Variants in TFEC observed in about 807,000 individuals in gnomAD.
TFEC encodes the protein transcription factor EC.
In TFEC, 31 loss-of-function variants were observed where a neutral mutation model predicts 41.6. The observed-to-expected ratio is 0.74, with a 90% confidence interval of 0.56 to 1.01. The LOEUF is 1.01. Ranked by LOEUF, TFEC falls within the 50% of genes least tolerant of loss-of-function variation. The probability of loss-of-function intolerance (pLI) is 0.00; values close to 1 mark genes in which losing one functional copy is unlikely to be tolerated. For missense variants in TFEC, 402 were observed against 404.1 expected (o/e 0.99, Z 0.04); for synonymous variants, 143 against 140.6 (o/e 1.02, Z -0.12).
At chr7:115,995,387 G>A (rs1032214121) in intron 1 of TFEC, among the ~76,000 whole-genome samples, 1 of 151,890 alleles carries the variant, frequency 6.6e-6, no homozygotes, top group Non-Finnish European at 1.5e-5. Context: ...GACTATGTAT[G>A]CATATATATA....
chr7:116,050,657 G>A (rs1437767480), intron 3 of TFEC, among the ~76,000 whole-genome samples: 1 of 151,740 alleles, frequency 6.6e-6, no homozygotes, highest in African/African-American at 2.4e-5. Flanking sequence ...ACAGGTGCTG[G>A]AGAGGATGTA....
intron 3 of TFEC, among the ~76,000 whole-genome samples, chr7:116,083,753 T>G (rs1434462650): frequency 2.0e-5 from 3 of 151,922 alleles, no homozygotes; most frequent in Non-Finnish European, 4.4e-5. Context: ...TTCTAAATAT[T>G]AGTGTAAAAG....
chr7:116,032,034 C>T (rs565484711), upstream of TFEC, among the ~76,000 whole-genome samples: 1 of 152,112 alleles, frequency 6.6e-6, no homozygotes, highest in African/African-American at 2.4e-5. Context: ...TTGTATGATA[C>T]AACATGTTTA....
At chr7:116,034,239 T>G (rs1422416692), upstream of TFEC, among the ~76,000 whole-genome samples, 5 of 152,116 alleles carry the variant, frequency 3.3e-5, no homozygotes, top group Non-Finnish European at 7.4e-5. Context: ...GCTATATTCA[T>G]TACCTTGGCT....
At chr7:116,124,455 A>G (rs1798171285) in intron 1 of TFEC, among the ~76,000 whole-genome samples, 1 of 152,164 alleles carries the variant, frequency 6.6e-6, no homozygotes, top group South Asian at 2.1e-4. Context: ...GTTCTATGCA[A>G]TCAAACTTTG....
At chr7:115,956,954 T>A (rs1290889883) in intron 3 of TFEC, among the ~76,000 whole-genome samples, 161 bp from the exon 4 acceptor site, 1 of 151,916 alleles carries the variant, frequency 6.6e-6, no homozygotes, top group African/African-American at 2.4e-5. Flanking sequence ...ATGCATTAAC[T>A]TTTTAAAAGA....
chr7:115,940,954 TTAAA>T, intron 7 of TFEC, 23 bp from the exon 8 acceptor site: 1 of 1,539,580 alleles, frequency 6.5e-7, no homozygotes, highest in Non-Finnish European at 8.8e-7. Context: ...ACGAAAATCA[TTAAA>T]TAATGTCTTT....
chr7:115,951,127 T>C (rs1791918015), intron 5 of TFEC, among the ~76,000 whole-genome samples, 178 bp from the exon 6 acceptor site: 1 of 152,114 alleles, frequency 6.6e-6, no homozygotes, highest in South Asian at 2.1e-4. Flanking sequence ...AAGGTTTCAA[T>C]ATTAGAATTA....
intron 3 of TFEC, among the ~76,000 whole-genome samples, chr7:116,055,356 C>T (rs1055815336): frequency 1.4e-4 from 21 of 152,044 alleles, no homozygotes; most frequent in Non-Finnish European, 2.8e-4. Flanking sequence ...TTTCAAAATG[C>T]TATTACTATT....
intron 1 of TFEC, among the ~76,000 whole-genome samples, chr7:116,121,880 A>G (rs1002338142): frequency 5.3e-5 from 8 of 152,060 alleles, no homozygotes; most frequent in Admixed American, 3.3e-4. Flanking sequence ...TCAAGAATAA[A>G]TCAGTAAAAT....
intron 1 of TFEC, among the ~76,000 whole-genome samples, chr7:116,007,917 C>G (rs958855374): frequency 6.6e-6 from 1 of 152,052 alleles, no homozygotes; most frequent in Non-Finnish European, 1.5e-5. Context: ...GGTAAAAGCC[C>G]TCAGCTAATT....
At chr7:116,051,983 G>A (rs1457235727) in intron 3 of TFEC, among the ~76,000 whole-genome samples, 3 of 151,786 alleles carry the variant, frequency 2.0e-5, no homozygotes, top group Non-Finnish European at 4.4e-5. Flanking sequence ...AAGGTGTAAG[G>A]ATGAAACTCC....
intron 3 of TFEC, among the ~76,000 whole-genome samples, chr7:116,064,898 C>G (rs1008437758): frequency 2.6e-5 from 4 of 152,136 alleles, no homozygotes; most frequent in African/African-American, 4.8e-5. Flanking sequence ...GAGAGATTCG[C>G]TGTTAGATTC....
At chr7:116,081,434 C>T (rs1261571875) in intron 3 of TFEC, among the ~76,000 whole-genome samples, 2 of 152,138 alleles carry the variant, frequency 1.3e-5, no homozygotes, top group East Asian at 3.9e-4. Context: ...CTGTCCGTAT[C>T]AAATCCTCTG....
In TFEC at chr7:116,018,328, C is replaced by A. The variant is rs1415201695; in HGVS notation, c.-73+12305G>T. Among the ~76,000 whole-genome samples the A allele has an allele frequency of 3.9e-5, 6 of 152,292 alleles. No homozygotes were observed. The East Asian group carries it at 1.2e-3, about 29-fold the overall frequency. ...CTTTAAAGATTTCAGAATGCCTGAT[C>A]ATAATCAGAAAGAGAAATTTTGGGG... On this transcript the variant is annotated intron_variant, in intron 1 of 7. Coordinates refer to ENST00000265440, the MANE Select transcript of TFEC (RefSeq NM_012252.4).
intron 1 of TFEC, among the ~76,000 whole-genome samples, chr7:116,013,961 GA>G (rs1251748041): frequency 6.6e-6 from 1 of 152,062 alleles, no homozygotes; most frequent in Non-Finnish European, 1.5e-5. Context: ...TCTACCATCA[GA>G]AAATATTAAC....
intron 2 of TFEC, among the ~76,000 whole-genome samples, chr7:115,974,794 C>T (rs1352873164): frequency 6.6e-6 from 1 of 151,840 alleles, no homozygotes; most frequent in Non-Finnish European, 1.5e-5. Context: ...ACATTTCATC[C>T]TACCTTCTCT....
At position 116,055,702 on chromosome 7, in the gene TFEC, C is replaced by T. The variant is rs547263689; in HGVS notation, c.198+55006G>A. Reference sequence around the variant, plus strand: ...TTATATATATCATCTCAATGATTGCCACAATTCTGTGAAGAAGATAGAATA... The same window carrying T: ...TTATATATATCATCTCAATGATTGCTACAATTCTGTGAAGAAGATAGAATA... On this transcript the variant is annotated intron_variant, in intron 3 of 8. Coordinates refer to the TFEC transcript ENST00000484212. Among the ~76,000 whole-genome samples the T allele has an allele frequency of 3.3e-5, 5 of 151,892 alleles. No individual in the cohort carries two copies. The South Asian group carries it at 6.3e-4, about 19-fold the overall frequency.
chr7:116,088,586 A>G (rs1471966129), intron 3 of TFEC, among the ~76,000 whole-genome samples: 2 of 152,070 alleles, frequency 1.3e-5, no homozygotes. Context: ...AGCAGATAAG[A>G]AGGTTTTTTA....
Sources: allele counts gnomAD v4.1 joint callset (sites outside exome capture counted in the v4.1 genomes callset), GRCh38; gene constraint gnomAD v4.1.1; transcripts MANE v1.5; gene names NCBI Gene and HGNC (gene_info 2026-07-23, HGNC 2026-07-21).